The following SYT17 variants were observed in gnomAD, a reference collection of about 807,000 sequenced individuals.
The protein encoded by SYT17 is synaptotagmin-17.
In SYT17, 22 loss-of-function variants were observed where a neutral mutation model predicts 46.7. The ratio of observed to expected loss-of-function variants is 0.47; its 90% CI spans 0.34 to 0.67. The LOEUF (loss-of-function observed/expected upper bound fraction) is 0.67, where lower values mean the gene tolerates loss of function less well. Among genes scored for constraint, SYT17 ranks in the 30% least tolerant of loss-of-function variants. SYT17 has a pLI of 0.01. For synonymous variants in SYT17, 251 were observed against 248.4 expected (o/e 1.01, Z -0.10); for missense variants, 519 against 612.8 (o/e 0.85, Z 1.62).
intron 7 of SYT17, among the ~76,000 whole-genome samples, chr16:19,247,763 G>C (rs777594804): frequency 1.4e-4 from 21 of 152,048 alleles, no homozygotes; most frequent in Non-Finnish European, 2.6e-4. Flanking sequence ...TCTCAGATTT[G>C]ACTTTAGTTT....
In SYT17 at chr16:19,257,788, C is replaced by T. The variant is rs542085700; in HGVS notation, c.1229-9092C>T. On this transcript the variant is annotated intron_variant, in intron 7 of 7. Transcript: ENST00000355377. ...ATCGCCGGGTACAGTGATGAGGTTT[C>T]GGGGTGCCAGCCATAATCTGGGGGT... 2.2e-4 allele frequency among the ~76,000 whole-genome samples: 33 copies of T among 152,168 alleles called. No homozygotes were observed. The South Asian group carries it at 3.5e-3, about 16-fold the overall frequency.
At position 19,263,794 on chromosome 16, in the gene SYT17, C is replaced by T. The variant is rs553724145; in HGVS notation, c.1229-3086C>T. 5.9e-5 allele frequency among the ~76,000 whole-genome samples: 9 copies of T among 152,162 alleles called. No individual in the cohort carries two copies. The East Asian group carries it at 9.7e-4, about 16-fold the overall frequency. Reference sequence around the variant, plus strand: ...AACATGGCATATCCATACAATGGAACGTTAGCTGGCCATAAAAAGTAGCAC... The same window carrying T: ...AACATGGCATATCCATACAATGGAATGTTAGCTGGCCATAAAAAGTAGCAC... On this transcript the variant is annotated intron_variant, in intron 7 of 7. Coordinates refer to ENST00000355377, the MANE Select transcript of SYT17 (RefSeq NM_016524.4).
rs1220456999 is a variant in SYT17, at chr16:19,267,171, C to T, written c.*95C>T. ...ACTATTACATCCACACCTGCATACA[C>T]ACTCGCAACATGTCTACACACGTCC... On this transcript the variant is annotated 3_prime_UTR_variant, in exon 8 of 8. Transcript: ENST00000355377. 9.0e-7 allele frequency: 1 copy of T among 1,106,420 alleles called. No homozygotes were observed. Among genetic ancestry groups the T allele is most frequent in the African/African-American group, 1.6e-5 (1 of 62,856 alleles). 68.5% of individuals were successfully genotyped at this position (1,106,420 alleles called of 1,614,324 possible).
intron 7 of SYT17, among the ~76,000 whole-genome samples, chr16:19,230,687 G>A (rs34085308): frequency 0.1 from 15,700 of 152,242 alleles, 923 homozygotes; most frequent in South Asian, 0.14. Flanking sequence ...ATAGTTAGGC[G>A]TAATAGTTAG....
At chr16:19,239,313 A>C (rs1966917961) in intron 7 of SYT17, among the ~76,000 whole-genome samples, 1 of 150,382 alleles carries the variant, frequency 6.6e-6, no homozygotes, top group South Asian at 2.1e-4. Flanking sequence ...AAACATTTAA[A>C]ATATATGTAT....
intron 7 of SYT17, among the ~76,000 whole-genome samples, chr16:19,239,658 G>A (rs79239531): frequency 9.6e-4 from 146 of 152,320 alleles, no homozygotes; most frequent in Non-Finnish European, 1.3e-3. Context: ...GCATAGAAAC[G>A]CTATGACATA....
chr16:19,210,415 TA>T (rs544681192), intron 5 of SYT17, among the ~76,000 whole-genome samples: 19 of 152,176 alleles, frequency 1.2e-4, no homozygotes, highest in Admixed American at 2.6e-4. Context: ...TTGTACCCTT[TA>T]ACCCACTTCT....
chr16:19,184,155 A>G lies in SYT17; in HGVS notation c.951+8A>G, dbSNP rs1964683063. The G allele has an allele frequency of 1.2e-6, 2 of 1,611,228 alleles. No individual in the cohort carries two copies. Among genetic ancestry groups the G allele is most frequent in the Non-Finnish European group, 1.7e-6 (2 of 1,177,654 alleles). On this transcript the variant is annotated splice_region_variant and intron_variant, in intron 5 of 7. Coordinates refer to ENST00000355377, the MANE Select transcript of SYT17 (RefSeq NM_016524.4). ...CTGATTCCCAGTTCTCAGGTAAGGG[A>G]TGGGTTTGTGGTGTTTCCTCCTGGG...
intron 7 of SYT17, among the ~76,000 whole-genome samples, chr16:19,248,872 A>G (rs1026296200): frequency 3.3e-5 from 5 of 152,178 alleles, no homozygotes; most frequent in African/African-American, 1.2e-4. Context: ...AAGGAAGGAC[A>G]TATTAGTACA....
intron 5 of SYT17, among the ~76,000 whole-genome samples, chr16:19,205,027 C>T (rs549683661): frequency 6.6e-6 from 1 of 152,190 alleles, no homozygotes; most frequent in African/African-American, 2.4e-5. Context: ...CAGGTCCAGG[C>T]CACCTTCACT....
At chr16:19,206,953 G>A (rs1965696078) in intron 5 of SYT17, among the ~76,000 whole-genome samples, 1 of 152,186 alleles carries the variant, frequency 6.6e-6, no homozygotes, top group South Asian at 2.1e-4. Context: ...AATGTTGGAG[G>A]TGGGACCTAA....
At chr16:19,223,567 A>G (rs1966400426) in intron 6 of SYT17, among the ~76,000 whole-genome samples, 1 of 152,228 alleles carries the variant, frequency 6.6e-6, no homozygotes, top group East Asian at 1.9e-4. Flanking sequence ...ACTTGTATTT[A>G]AAGTGTGTAT....
In SYT17 at chr16:19,180,459, C is replaced by G. The variant is rs774475669; in HGVS notation, c.251C>G (p.Pro84Arg). 6.2e-7 allele frequency: 1 copy of G among 1,614,070 alleles called. No individual in the cohort carries two copies. The highest frequency in any genetic ancestry group is 1.3e-5 in the African/African-American group (1 of 74,936). ...ACGGCCAGCGAAGTCCCGCTGACCC[C>G]ACGGACCAATTCCCCGGATGGAAGA... ...VHTASEVPLT[P>R]RTNSPDGRRS... The change falls in exon 4 of 8, where the codon CCA becomes CGA. Residue 84 changes from proline to arginine, a missense_variant. Pro to Arg is a moderately radical substitution (Grantham distance 103). Transcript: ENST00000355377.
intron 7 of SYT17, among the ~76,000 whole-genome samples, chr16:19,237,759 C>A (rs1190625353): frequency 1.3e-5 from 2 of 152,208 alleles, no homozygotes; most frequent in African/African-American, 4.8e-5. Context: ...TTAATTCTTT[C>A]CCGGGCAAAG....
chr16:19,260,405 G>A (rs1205844107), intron 7 of SYT17, among the ~76,000 whole-genome samples: 3 of 143,550 alleles, frequency 2.1e-5, no homozygotes, highest in African/African-American at 7.7e-5. Context: ...AGCTAGTTGG[G>A]AAGCTGAGGT....
intron 5 of SYT17, among the ~76,000 whole-genome samples, chr16:19,188,236 G>A (rs1046320214): frequency 7.2e-5 from 11 of 152,022 alleles, no homozygotes; most frequent in Admixed American, 7.2e-4. Flanking sequence ...ACACAGGAAT[G>A]GAAAACCAAA....
chr16:19,196,949 C>T (rs946629911), intron 5 of SYT17, among the ~76,000 whole-genome samples: 11 of 152,282 alleles, frequency 7.2e-5, no homozygotes, highest in Admixed American at 3.3e-4. Context: ...GAGTTACAAA[C>T]GCCCCCAGCC....
intron 7 of SYT17, among the ~76,000 whole-genome samples, chr16:19,244,750 C>T (rs1967408112): frequency 2.0e-5 from 3 of 152,216 alleles, no homozygotes; most frequent in Admixed American, 2.0e-4. Context: ...GCCATCTTCT[C>T]TGGCCTTGGG....
chr16:19,239,986 G>A (rs1966976374), intron 7 of SYT17, among the ~76,000 whole-genome samples: 1 of 152,232 alleles, frequency 6.6e-6, no homozygotes, highest in African/African-American at 2.4e-5. Flanking sequence ...ATCACCACAA[G>A]CAGCTTCAAC....
Sources: gnomAD v4.1 joint callset for allele counts (sites outside exome capture counted in the v4.1 genomes callset) on GRCh38, gnomAD v4.1.1 for gene constraint, MANE v1.5 for transcripts, NCBI Gene and HGNC (gene_info 2026-07-23, HGNC 2026-07-21) for gene names.